The following RAPGEF4 variants were observed in gnomAD, a reference collection of about 807,000 sequenced individuals.
RAPGEF4 encodes the protein RAP guanine-nucleotide-exchange factor (GEF) 4.
Under a neutral mutation model 147.9 loss-of-function variants are expected in RAPGEF4, and 66 were observed. The observed-to-expected ratio is 0.45, with a 90% CI of 0.37 to 0.55. The LOEUF is 0.55. Among genes scored for constraint, RAPGEF4 ranks in the 20% least tolerant of loss-of-function variants. The pLI is 0.00. For synonymous variants in RAPGEF4, 419 were observed against 442.7 expected (o/e 0.95, Z 0.67); for missense variants, 1,071 against 1,257.3 (o/e 0.85, Z 2.24).
chr2:172,931,321 C>T (rs576385843), intron 6 of RAPGEF4, among the ~76,000 whole-genome samples: 13 of 152,168 alleles, frequency 8.5e-5, no homozygotes, highest in African/African-American at 3.1e-4. Context: ...TAGCCTCAGT[C>T]CCAGGATATT....
rs1049755093 is a variant in RAPGEF4, at chr2:173,042,748, C to A, written c.2854-5852C>A. Among the ~76,000 whole-genome samples, 13 of 152,336 alleles carry A rather than the reference C, an allele frequency of 8.5e-5. No homozygotes were observed. Among genetic ancestry groups the A allele is most frequent in the African/African-American group, 2.6e-4 (11 of 41,582 alleles). On this transcript the variant is annotated intron_variant, in intron 29 of 30. Coordinates refer to ENST00000397081, the MANE Select transcript of RAPGEF4 (RefSeq NM_007023.4). The surrounding 1 kb of genome is among the most constrained non-coding windows in gnomAD (Gnocchi z 4.2). Reference sequence around the variant, plus strand: ...CTAACCAGACATTATTCTGTCCCCCCTCCTCCCTGTGGTGCTGTGTCTGTC... The same window carrying A: ...CTAACCAGACATTATTCTGTCCCCCATCCTCCCTGTGGTGCTGTGTCTGTC...
chr2:172,979,664 T>G (rs1251246158), intron 10 of RAPGEF4, among the ~76,000 whole-genome samples: 2 of 152,210 alleles, frequency 1.3e-5, no homozygotes, highest in Non-Finnish European at 2.9e-5. Context: ...GCAAATAACA[T>G]TCGTGACAGT....
At chr2:173,033,085 T>C (rs1697347639) in intron 26 of RAPGEF4, among the ~76,000 whole-genome samples, 1 of 152,236 alleles carries the variant, frequency 6.6e-6, no homozygotes, top group Admixed American at 6.5e-5. Flanking sequence ...ATTGATCTAT[T>C]GGTGTAGATA....
In RAPGEF4 at chr2:172,939,736, A is replaced by G. The variant is rs531221624; in HGVS notation, c.537+17436A>G. On this transcript the variant is annotated intron_variant, in intron 6 of 30. Coordinates refer to ENST00000397081, the MANE Select transcript of RAPGEF4 (RefSeq NM_007023.4). ...GATTTTCCCCTGTATTTTCTTCTAGAAATTTTATAGTTTTGTGTTTTACAT... is the reference window on the plus strand; with the variant it reads ...GATTTTCCCCTGTATTTTCTTCTAGGAATTTTATAGTTTTGTGTTTTACAT... 2.6e-5 allele frequency among the ~76,000 whole-genome samples: 4 copies of G among 152,256 alleles called. No individual in the cohort carries two copies. The South Asian group carries it at 6.2e-4, about 24-fold the overall frequency.
chr2:172,794,305 C>T (rs1686133905), intron 1 of RAPGEF4, among the ~76,000 whole-genome samples: 1 of 147,566 alleles, frequency 6.8e-6, no homozygotes, highest in Non-Finnish European at 1.5e-5. Context: ...CAAGATCATG[C>T]CATTGCACTC....
chr2:172,873,505 T>C (rs1695491812), intron 4 of RAPGEF4, among the ~76,000 whole-genome samples: 1 of 152,178 alleles, frequency 6.6e-6, no homozygotes, highest in Non-Finnish European at 1.5e-5. Context: ...GCTACCCTCT[T>C]TCCTAATTCA....
At chr2:172,814,200 T>A (rs1688287255) in intron 3 of RAPGEF4, 79 bp from the exon 4 acceptor site, 2 of 1,441,708 alleles carry the variant, frequency 1.4e-6, no homozygotes, top group Non-Finnish European at 1.9e-6. Context: ...TTGTACAAAT[T>A]ATACTGCAGT....
At chr2:172,842,503 G>A (rs1008762699) in intron 4 of RAPGEF4, among the ~76,000 whole-genome samples, 2 of 152,202 alleles carry the variant, frequency 1.3e-5, no homozygotes, top group African/African-American at 4.8e-5. Flanking sequence ...GCTTGCTTCT[G>A]TTCCACTGGG....
At chr2:173,044,958 AG>A (rs1175126799) in intron 29 of RAPGEF4, among the ~76,000 whole-genome samples, 1 of 152,204 alleles carries the variant, frequency 6.6e-6, no homozygotes, top group Non-Finnish European at 1.5e-5. Flanking sequence ...GGCCAGCTCC[AG>A]GCAGGCCAAC....
At chr2:172,851,179 C>G (rs558723634) in intron 4 of RAPGEF4, among the ~76,000 whole-genome samples, 4 of 152,276 alleles carry the variant, frequency 2.6e-5, no homozygotes, top group Non-Finnish European at 4.4e-5. Flanking sequence ...TTCTTGACTT[C>G]TGCTTTAATT....
intron 1 of RAPGEF4, among the ~76,000 whole-genome samples, chr2:172,750,319 C>T (rs1416596123): frequency 6.6e-6 from 1 of 151,996 alleles, no homozygotes; most frequent in African/African-American, 2.4e-5. Flanking sequence ...TTCCACGTGG[C>T]TGGGGAGGCC....
Position 172,795,028 on chromosome 2 carries a change from A to G in RAPGEF4, c.69A>G (p.Pro23=), listed in dbSNP as rs1400259425. 1 of 1,613,984 alleles carries G rather than the reference A, an allele frequency of 6.2e-7. No homozygotes were observed. Among genetic ancestry groups the G allele is most frequent in the Non-Finnish European group, 8.5e-7 (1 of 1,179,918 alleles). ...AEWIACLDKR[P]LERSSEDVDI... ...TGTGCCTTTTCTCCCTATACAGACC[A>G]CTGGAGCGATCCAGCGAAGATGTGG... The change falls in exon 2 of 31, where the codon CCA becomes CCG. Residue 23 remains proline (P), a synonymous_variant. Transcript: ENST00000397081.
chr2:172,828,405 A>G (rs918280410), intron 4 of RAPGEF4, among the ~76,000 whole-genome samples: 1 of 152,156 alleles, frequency 6.6e-6, no homozygotes, highest in Non-Finnish European at 1.5e-5. Context: ...GTGAGGGACA[A>G]TCTTCTCTCA....
At chr2:172,870,189 T>C (rs1695077665) in intron 4 of RAPGEF4, among the ~76,000 whole-genome samples, 1 of 152,198 alleles carries the variant, frequency 6.6e-6, no homozygotes, top group South Asian at 2.1e-4. Flanking sequence ...TGCACTACTT[T>C]TCAAGCCTCT....
At chr2:172,826,981 G>T (rs12053036) in intron 4 of RAPGEF4, among the ~76,000 whole-genome samples, 4,374 of 151,760 alleles carry the variant, frequency 0.029, 101 homozygotes, top group East Asian at 0.11. Context: ...AAAAAGAAAA[G>T]TATGAAGTTT....
intron 4 of RAPGEF4, among the ~76,000 whole-genome samples, chr2:172,903,039 G>C (rs1699236605): frequency 6.6e-6 from 1 of 152,056 alleles, no homozygotes; most frequent in Non-Finnish European, 1.5e-5. Context: ...CAACATGTGT[G>C]GGCAGAAAAG....
chr2:173,022,292 G>A (rs1338532628), intron 23 of RAPGEF4, among the ~76,000 whole-genome samples: 4 of 152,200 alleles, frequency 2.6e-5, no homozygotes, highest in South Asian at 2.1e-4. Context: ...TTGGCACACA[G>A]TCCTGCAGCC....
chr2:172,983,113 A>G (rs1691857712), intron 10 of RAPGEF4, among the ~76,000 whole-genome samples: 1 of 152,222 alleles, frequency 6.6e-6, no homozygotes, highest in African/African-American at 2.4e-5. Flanking sequence ...AGTTGATTAT[A>G]CCAATTGTTT....
intron 4 of RAPGEF4, among the ~76,000 whole-genome samples, chr2:172,827,946 C>T (rs1689856269): frequency 6.6e-6 from 1 of 152,154 alleles, no homozygotes; most frequent in African/African-American, 2.4e-5. Context: ...TAAATCTGCC[C>T]TTACATCCTT....
Sources: allele counts gnomAD v4.1 joint callset (sites outside exome capture counted in the v4.1 genomes callset), GRCh38; gene constraint gnomAD v4.1.1; non-coding constraint Gnocchi (gnomAD v3.1); transcripts MANE v1.5; gene names NCBI Gene and HGNC (gene_info 2026-07-23, HGNC 2026-07-21).